Variants in PKP4 observed in about 807,000 individuals in gnomAD.
The protein encoded by PKP4 is plakophilin-4.
Under a neutral mutation model 145.1 loss-of-function variants are expected in PKP4, and 90 were observed. That is an observed-to-expected ratio of 0.62 (90% CI 0.52 to 0.74). The LOEUF is 0.74. Among genes scored for constraint, PKP4 ranks in the 30% least tolerant of loss-of-function variants. The probability of loss-of-function intolerance (pLI) is 0.00; values close to 1 mark genes in which losing one functional copy is unlikely to be tolerated. For synonymous variants in PKP4, 563 were observed against 577.2 expected (o/e 0.98, Z 0.35); for missense variants, 1,340 against 1,482.7 (o/e 0.90, Z 1.58).
At chr2:158,587,290 C>A (rs2048882439) in intron 3 of PKP4, among the ~76,000 whole-genome samples, 1 of 152,004 alleles carries the variant, frequency 6.6e-6, no homozygotes, top group African/African-American at 2.4e-5. Flanking sequence ...ATTTAATCAT[C>A]TTTTAAAGAA....
chr2:158,575,648 G>A lies in PKP4; in HGVS notation c.133-1623G>A, dbSNP rs1241876784. Among the ~76,000 whole-genome samples, 13 of 152,286 alleles carry A rather than the reference G, an allele frequency of 8.5e-5. No individual in the cohort carries two copies. In the South Asian group the frequency reaches 1.7e-3, roughly 19 times the overall value. On this transcript the variant is annotated intron_variant, in intron 2 of 21. Transcript: ENST00000389759. The stretch of plus-strand genomic sequence containing the variant: ...CTAGTAGCCACTGAACTCAGAGGAC[G>A]AAGGTATTGTGATGGCTTGGGGAAT...
intron 13 of PKP4, 91 bp from the exon 14 acceptor site, chr2:158,662,806 C>T: frequency 1.1e-6 from 1 of 902,168 alleles, no homozygotes; most frequent in Admixed American, 2.7e-5. Context: ...TTCATATTTC[C>T]CATTTATTTC....
intron 9 of PKP4, among the ~76,000 whole-genome samples, chr2:158,638,083 G>C (rs1464588811): frequency 6.6e-6 from 1 of 152,192 alleles, no homozygotes; most frequent in Non-Finnish European, 1.5e-5. Flanking sequence ...ATCAAAGAAA[G>C]AGTAAATCAC....
At chr2:158,628,116 G>C (rs1021026315) in intron 7 of PKP4, among the ~76,000 whole-genome samples, 1 of 151,970 alleles carries the variant, frequency 6.6e-6, no homozygotes, top group Non-Finnish European at 1.5e-5. Context: ...GAGTAGCTGG[G>C]ACTACAGGCG....
chr2:158,670,221 CAG>C (rs796871424), intron 17 of PKP4, among the ~76,000 whole-genome samples: 4 of 152,268 alleles, frequency 2.6e-5, no homozygotes, highest in African/African-American at 9.6e-5. Context: ...TTATAAACAA[CAG>C]AAATTTATTT....
At chr2:158,520,550 C>T (rs768690529) in intron 1 of PKP4, among the ~76,000 whole-genome samples, 1 of 152,040 alleles carries the variant, frequency 6.6e-6, no homozygotes, top group Admixed American at 6.5e-5. Flanking sequence ...ATGTTTATTC[C>T]GCTATATTAT....
Position 158,533,265 on chromosome 2 carries a change from C to A in PKP4, c.81C>A (p.Gly27=), listed in dbSNP as rs1343950880. 6.2e-7 allele frequency: 1 copy of A among 1,614,140 alleles called. No homozygotes were observed. The highest frequency in any genetic ancestry group is 8.5e-7 in the Non-Finnish European group (1 of 1,180,014). The stretch of plus-strand genomic sequence containing the variant: ...AGGAAGCTGCCTCCACTGGCCCAGG[C>A]ATGGAACCCGAGACCACAGCCACCA... ...TRQEAASTGP[G]MEPETTATTI... Residue 27 remains glycine (G), a synonymous_variant, in exon 2 of 22, where the codon GGC becomes GGA. Transcript: ENST00000389759.
chr2:158,642,743 C>A, intron 11 of PKP4, 44 bp downstream of exon 11: 1 of 1,442,856 alleles, frequency 6.9e-7, no homozygotes, highest in South Asian at 1.3e-5. Flanking sequence ...ATGTTGAAAA[C>A]AGTCTGGACT....
chr2:158,521,268 G>C (rs2042348828), intron 1 of PKP4, among the ~76,000 whole-genome samples: 2 of 152,190 alleles, frequency 1.3e-5, no homozygotes, highest in African/African-American at 4.8e-5. Context: ...TCTGGTGCTT[G>C]TGTATTGACT....
intron 11 of PKP4, among the ~76,000 whole-genome samples, chr2:158,645,544 G>A (rs918796118): frequency 9.2e-5 from 14 of 152,128 alleles, no homozygotes; most frequent in African/African-American, 3.4e-4. Context: ...GTAACACCGT[G>A]CAGCCAGGAG....
rs544257963 is a variant in PKP4 at position 158,465,599 on chromosome 2, G to A, written c.-6+8381G>A. Among the ~76,000 whole-genome samples, 29 of 152,086 alleles carry A rather than the reference G, an allele frequency of 1.9e-4. No homozygotes were observed. The South Asian group carries it at 5.8e-3, about 31-fold the overall frequency. Reference sequence around the variant, plus strand: ...CTTTTATTCTCTATGTAATTTGTGTGCCTTTATAAGCCCAAACTTGCTGTT... The same window carrying A: ...CTTTTATTCTCTATGTAATTTGTGTACCTTTATAAGCCCAAACTTGCTGTT... On this transcript the variant is annotated intron_variant, in intron 1 of 21. Transcript: ENST00000389759.
At chr2:158,467,966 C>T (rs1050590326) in intron 1 of PKP4, among the ~76,000 whole-genome samples, 1 of 152,126 alleles carries the variant, frequency 6.6e-6, no homozygotes, top group South Asian at 2.1e-4. Flanking sequence ...CTGCGTGTAT[C>T]GATAGTCTGT....
intron 2 of PKP4, among the ~76,000 whole-genome samples, chr2:158,549,559 G>C (rs1366799544): frequency 6.6e-6 from 1 of 152,036 alleles, no homozygotes; most frequent in Non-Finnish European, 1.5e-5. Flanking sequence ...ACTAAGGGCT[G>C]CTGGGCCTGC....
At chr2:158,640,536 G>C (rs1311385969) in intron 9 of PKP4, 91 bp from the exon 10 acceptor site, 32 of 1,399,280 alleles carry the variant, frequency 2.3e-5, no homozygotes, top group Non-Finnish European at 2.9e-5. Context: ...TTTTGTCTCA[G>C]CTGAGCTTTT....
At chr2:158,580,783 CA>C (rs1224743423) in intron 3 of PKP4, among the ~76,000 whole-genome samples, 2 of 152,154 alleles carry the variant, frequency 1.3e-5, no homozygotes, top group African/African-American at 2.4e-5. Flanking sequence ...ACTTTCTTCT[CA>C]TGTTGAATTC....
chr2:158,631,162 G>T (rs1467550683), intron 7 of PKP4, among the ~76,000 whole-genome samples: 1 of 151,892 alleles, frequency 6.6e-6, no homozygotes, highest in Non-Finnish European at 1.5e-5. Context: ...GGTTGATCTC[G>T]ATCTCCTGAC....
chr2:158,483,580 G>A (rs1415189439), intron 1 of PKP4, among the ~76,000 whole-genome samples: 2 of 151,986 alleles, frequency 1.3e-5, no homozygotes, highest in Admixed American at 1.3e-4. Context: ...TTGGAAAGCA[G>A]GTAGCTTTTT....
intron 1 of PKP4, among the ~76,000 whole-genome samples, chr2:158,504,145 G>T (rs1345369243): frequency 6.6e-6 from 1 of 152,098 alleles, no homozygotes; most frequent in Non-Finnish European, 1.5e-5. Flanking sequence ...TGCTGACAAT[G>T]TGACTTGTAT....
intron 1 of PKP4, among the ~76,000 whole-genome samples, chr2:158,472,497 C>T (rs1023055466): frequency 6.6e-6 from 1 of 150,680 alleles, no homozygotes; most frequent in African/African-American, 2.4e-5. Flanking sequence ...CCTATAATCC[C>T]AGCTACTCGG....
Sources: gnomAD v4.1 joint callset for allele counts (sites outside exome capture counted in the v4.1 genomes callset) on GRCh38, gnomAD v4.1.1 for gene constraint, MANE v1.5 for transcripts, NCBI Gene and HGNC (gene_info 2026-07-23, HGNC 2026-07-21) for gene names.